Variants in RBFOX1 observed in about 807,000 individuals in gnomAD.
RBFOX1 encodes the protein RNA binding fox-1 homolog 1, also known as RNA binding protein fox-1 homolog 1.
RBFOX1 carries 8 observed loss-of-function variants against 57.7 expected under a neutral mutation model. The ratio of observed to expected loss-of-function variants is 0.14; its 90% confidence interval spans 0.08 to 0.25. The LOEUF (loss-of-function observed/expected upper bound fraction) is 0.25. RBFOX1 is among the 10% of genes least tolerant of loss of function. The probability of loss-of-function intolerance (pLI) is 1.00; values close to 1 mark genes in which losing one functional copy is unlikely to be tolerated. For missense variants in RBFOX1, 611 were observed against 548.5 expected, an observed-to-expected ratio of 1.11 and a Z score of -1.14; for synonymous variants, 326 against 222.4, an observed-to-expected ratio of 1.47 and a Z score of -4.15.
chr16:6,918,746 C>G lies in RBFOX1; in HGVS notation c.-15-133311C>G, dbSNP rs560807320. ...AATGCAGACAACATGAAGCGGCAGT[C>G]TCACGTTGATATTATGGTTAATTAA... On this transcript the variant is annotated intron_variant, in intron 3 of 15. Coordinates refer to ENST00000550418, the MANE Select transcript of RBFOX1 (RefSeq NM_018723.4). 2.6e-5 allele frequency among the ~76,000 whole-genome samples: 4 copies of G among 152,234 alleles called. No homozygotes were observed. The East Asian group carries it at 7.7e-4, about 29-fold the overall frequency.
At chr16:5,271,758 C>T (rs560149292) in intron 1 of RBFOX1, among the ~76,000 whole-genome samples, 1 of 152,326 alleles carries the variant, frequency 6.6e-6, no homozygotes, top group East Asian at 1.9e-4. Flanking sequence ...CCTACCTTTC[C>T]TGCGCCCCAG....
chr16:5,972,773 A>G (rs1346969013), intron 4 of RBFOX1, among the ~76,000 whole-genome samples: 2 of 152,128 alleles, frequency 1.3e-5, no homozygotes, highest in Non-Finnish European at 2.9e-5. Context: ...CACTCCAGAG[A>G]ATCTCCTATC....
At chr16:6,029,148 C>G (rs1053891682) in intron 1 of RBFOX1, among the ~76,000 whole-genome samples, 1 of 152,162 alleles carries the variant, frequency 6.6e-6, no homozygotes, top group East Asian at 1.9e-4. Flanking sequence ...CTCTTTGATA[C>G]AAAAGGTTCC....
chr16:5,814,037 T>C (rs1446371288), intron 3 of RBFOX1, among the ~76,000 whole-genome samples: 2 of 152,234 alleles, frequency 1.3e-5, no homozygotes, highest in African/African-American at 2.4e-5. Context: ...GTAATGGTAA[T>C]AGTAATAGTA....
chr16:7,636,174 G>T (rs1335638087), intron 11 of RBFOX1, among the ~76,000 whole-genome samples: 1 of 152,140 alleles, frequency 6.6e-6, no homozygotes, highest in African/African-American at 2.4e-5. Flanking sequence ...ATACCCTTAC[G>T]TGCAACTACA....
intron 3 of RBFOX1, among the ~76,000 whole-genome samples, chr16:6,864,547 CTTTT>C (rs556959548): frequency 1.4e-5 from 2 of 139,516 alleles, no homozygotes; most frequent in Non-Finnish European, 1.6e-5. Context: ...TCTCCTTCCT[CTTTT>C]TTTTTTTTTT....
intron 4 of RBFOX1, among the ~76,000 whole-genome samples, chr16:7,429,699 C>T (rs1353449597): frequency 6.6e-6 from 1 of 152,164 alleles, no homozygotes; most frequent in Non-Finnish European, 1.5e-5. Context: ...GATAATATAT[C>T]TTTTCCCTTG....
At chr16:6,488,434 C>G (rs74005236) in intron 2 of RBFOX1, among the ~76,000 whole-genome samples, 2,923 of 152,288 alleles carry the variant, frequency 0.019, 100 homozygotes, top group African/African-American at 0.067. Context: ...CGGGCACTTA[C>G]TGACTCCCTC....
At chr16:6,675,990 G>A (rs1464008513) in intron 3 of RBFOX1, among the ~76,000 whole-genome samples, 2 of 152,230 alleles carry the variant, frequency 1.3e-5, no homozygotes, top group South Asian at 4.1e-4. Flanking sequence ...GGACACCAAG[G>A]GCGATGGGAG....
intron 3 of RBFOX1, among the ~76,000 whole-genome samples, chr16:5,769,959 T>C (rs12597642): frequency 0.41 from 61,952 of 151,998 alleles, 12,964 homozygotes; most frequent in East Asian, 0.61. Context: ...AGTATAGGTA[T>C]GTGCTAGAGA....
At chr16:7,333,861 C>G (rs1226481531) in intron 4 of RBFOX1, among the ~76,000 whole-genome samples, 1 of 152,244 alleles carries the variant, frequency 6.6e-6, no homozygotes, top group African/African-American at 2.4e-5. Flanking sequence ...CTAACATCTA[C>G]TAGCGATAGA....
intron 1 of RBFOX1, among the ~76,000 whole-genome samples, chr16:6,057,467 A>T (rs948199634): frequency 2.0e-5 from 3 of 152,100 alleles, no homozygotes; most frequent in Non-Finnish European, 2.9e-5. Context: ...ACCAATATTT[A>T]TTGAGGGCTT....
chr16:7,226,322 G>T (rs752916058), intron 4 of RBFOX1, among the ~76,000 whole-genome samples: 1 of 152,206 alleles, frequency 6.6e-6, no homozygotes, highest in Non-Finnish European at 1.5e-5. Flanking sequence ...TGGAGAAGAG[G>T]TTCTTCTTCA....
intron 4 of RBFOX1, among the ~76,000 whole-genome samples, chr16:7,517,300 G>A (rs1048766290): frequency 1.3e-5 from 2 of 151,806 alleles, no homozygotes; most frequent in African/African-American, 4.8e-5. Flanking sequence ...TGAGTTGGCT[G>A]TAATTGTCAC....
intron 4 of RBFOX1, among the ~76,000 whole-genome samples, chr16:7,296,253 G>T (rs1002990123): frequency 4.4e-5 from 6 of 135,706 alleles, no homozygotes; most frequent in African/African-American, 1.4e-4. Flanking sequence ...TTCAGATTAT[G>T]TCCTCCTTTT....
At chr16:6,730,376 C>G (rs11646075) in intron 3 of RBFOX1, among the ~76,000 whole-genome samples, 132,163 of 149,248 alleles carry the variant, frequency 0.89, 59,835 homozygotes, top group Non-Finnish European at 1. Flanking sequence ...TGTGGAATCT[C>G]TCTCTCTCTG....
At chr16:5,342,331 G>C (rs538908330) in intron 1 of RBFOX1, among the ~76,000 whole-genome samples, 1 of 152,220 alleles carries the variant, frequency 6.6e-6, no homozygotes, top group East Asian at 1.9e-4. Context: ...GACTCTGTTA[G>C]AGGCAAAGAG....
chr16:6,028,675 T>C (rs923504134), intron 1 of RBFOX1, among the ~76,000 whole-genome samples: 2 of 152,076 alleles, frequency 1.3e-5, no homozygotes, highest in Non-Finnish European at 2.9e-5. Context: ...AGCAAGACCC[T>C]ATCTGTAAAA....
chr16:5,738,415 T>C (rs1246937811), intron 3 of RBFOX1, among the ~76,000 whole-genome samples: 1 of 151,712 alleles, frequency 6.6e-6, no homozygotes, highest in African/African-American at 2.4e-5. Context: ...GCAGATCACT[T>C]GAGGTCAGGA....
Sources: allele counts gnomAD v4.1 joint callset (sites outside exome capture counted in the v4.1 genomes callset), GRCh38; gene constraint gnomAD v4.1.1; transcripts MANE v1.5; gene names NCBI Gene and HGNC (gene_info 2026-07-23, HGNC 2026-07-21).